LILRA2: variants seen among roughly 807,000 people sequenced by gnomAD.
LILRA2 encodes leukocyte immunoglobulin-like receptor subfamily A member 2.
In LILRA2, 45 loss-of-function variants were observed where a neutral mutation model predicts 47.9. That is an observed-to-expected ratio of 0.94 (90% CI 0.74 to 1.20). The LOEUF is 1.20. Among genes scored for constraint, LILRA2 ranks in the 50% most tolerant of loss-of-function variants. LILRA2 has a pLI of 0.00. For missense variants in LILRA2, 651 were observed against 598.2 expected, an observed-to-expected ratio of 1.09 and a Z score of -0.92; for synonymous variants, 279 against 249.2, an observed-to-expected ratio of 1.12 and a Z score of -1.13.
chr19:54,576,491 G>A (rs970921033), intron 6 of LILRA2, among the ~76,000 whole-genome samples: 3 of 152,248 alleles, frequency 2.0e-5, no homozygotes, highest in African/African-American at 7.2e-5. Flanking sequence ...GCCACTCCCA[G>A]CTCAAGAGAA....
intron 6 of LILRA2, among the ~76,000 whole-genome samples, chr19:54,585,758 C>T (rs1418380695): frequency 2.0e-5 from 3 of 152,158 alleles, no homozygotes; most frequent in Admixed American, 6.5e-5. Context: ...CCAGGTGAGG[C>T]GACACCCCAT....
chr19:54,586,950 A>G lies in LILRA2; in HGVS notation c.1256-60A>G, dbSNP rs2062828159. On this transcript the variant is annotated intron_variant, in intron 6 of 7. Transcript: ENST00000391738. ...GTCAAGAGACACAGGGGAAAAGAAG[A>G]ATGCAGAGCCCAGGAGTGAGGCTGG... 3.2e-6 allele frequency: 4 copies of G among 1,255,830 alleles called. No homozygotes were observed. In the East Asian group the frequency reaches 9.5e-5, roughly 30 times the overall value. 77.8% of individuals were successfully genotyped at this position (1,255,830 alleles called of 1,614,324 possible). A position where few individuals can be genotyped will look rare whatever the true frequency, so the allele number is the denominator to read the frequency against.
chr19:54,582,999 A>G (rs549556728), intron 6 of LILRA2, among the ~76,000 whole-genome samples: 1 of 152,324 alleles, frequency 6.6e-6, no homozygotes, highest in South Asian at 2.1e-4. Context: ...TTGGTTCCAA[A>G]GAACATCTTT....
At position 54,575,686 on chromosome 19, in the gene LILRA2, C is replaced by T. The variant is rs369999409; in HGVS notation, c.953-121C>T. 4.5e-3 allele frequency: 3,048 copies of T among 683,608 alleles called. 29 individuals carry two copies. The highest frequency in any genetic ancestry group is 0.038 in the South Asian group (2,600 of 67,796). 42.3% of individuals were successfully genotyped at this position (683,608 alleles called of 1,614,324 possible). Reference sequence around the variant, plus strand: ...GAGACAGAGAGAGACAGGGGATGGGCGGGGAGGGGAGACTCAGAGAAAACA... The same window carrying T: ...GAGACAGAGAGAGACAGGGGATGGGTGGGGAGGGGAGACTCAGAGAAAACA... On this transcript the variant is annotated intron_variant, in intron 5 of 7. Coordinates refer to ENST00000391738, the MANE Select transcript of LILRA2 (RefSeq NM_001130917.3).
chr19:54,578,229 A>G (rs530783908), intron 6 of LILRA2, among the ~76,000 whole-genome samples: 9 of 152,208 alleles, frequency 5.9e-5, no homozygotes, highest in African/African-American at 2.2e-4. Context: ...TGCTGCACCC[A>G]TCAACTCGTC....
In LILRA2 at chr19:54,575,818, G is replaced by C; in HGVS notation, c.964G>C (p.Asp322His). The C allele has an allele frequency of 6.2e-7, 1 of 1,613,692 alleles. No homozygotes were observed. Among genetic ancestry groups the C allele is most frequent in the South Asian group, 1.1e-5 (1 of 91,044 alleles). Residue 322 changes from aspartate (D) to histidine (H), a missense_variant, in exon 6 of 8, where the codon GAC (aspartate) becomes CAC (histidine). Asp to His is a moderately conservative substitution (Grantham distance 81). Coordinates refer to ENST00000391738, the MANE Select transcript of LILRA2 (RefSeq NM_001130917.3). Reference protein sequence around the residue: ...LDILITGQFYDRPSLSVQPVP... With the variant: ...LDILITGQFYHRPSLSVQPVP... ...CTTCTTCTCTCTAGGACAGTTCTAT[G>C]ACAGACCCTCTCTCTCGGTGCAGCC... is the stretch of plus-strand genomic sequence containing the variant.
Position 54,574,524 on chromosome 19 carries a change from G to C in LILRA2, c.294G>C (p.Gln98His), listed in dbSNP as rs375610534. 172 of 1,517,406 alleles carry C rather than the reference G, an allele frequency of 1.1e-4. No homozygotes were observed. The highest frequency in any genetic ancestry group is 1.5e-4 in the Non-Finnish European group (162 of 1,091,670). The allele number at this position is 1,517,406 out of a possible 1,614,324, so 94.0% of individuals were successfully genotyped here. ...AACACGCAGGGCGGTATCACTGTCA[G>C]TACTACAGCCACAATCACTCATCAG... ...TWEHAGRYHC[Q>H]YYSHNHSSEY... The change falls in exon 3 of 8, where the codon CAG (glutamine) becomes CAC (histidine). Residue 98 changes from glutamine to histidine, a missense_variant. Coordinates refer to ENST00000391738, the MANE Select transcript of LILRA2 (RefSeq NM_001130917.3).
rs1480688159 is a variant in LILRA2, at chr19:54,574,817, G to C, written c.439G>C (p.Val147Leu). The C allele has an allele frequency of 4.5e-5, 73 of 1,613,724 alleles. No individual in the cohort carries two copies. In the East Asian group the frequency reaches 1.6e-3, roughly 35 times the overall value. The change falls in exon 4 of 8, where the codon GTG becomes CTG. Residue 147 changes from valine to leucine, a missense_variant. Val to Leu is a conservative substitution (Grantham distance 32). Coordinates refer to ENST00000391738, the MANE Select transcript of LILRA2 (RefSeq NM_001130917.3). Reference sequence around the variant, plus strand: ...CGTGACCCTCCAGTGTGTCTCACAGGTGGCATTTGACGGCTTCATTCTGTG... The same window carrying C: ...CGTGACCCTCCAGTGTGTCTCACAGCTGGCATTTGACGGCTTCATTCTGTG... ...GNVTLQCVSQ[V>L]AFDGFILCKE...
intron 6 of LILRA2, among the ~76,000 whole-genome samples, chr19:54,585,197 C>A (rs2146019556): frequency 6.6e-6 from 1 of 152,302 alleles, no homozygotes; most frequent in African/African-American, 2.4e-5. Context: ...TGTCTGTTGG[C>A]CCCTACTGGG....
rs773895069 is a variant in LILRA2 at position 54,574,553 on chromosome 19, A to C, written c.323A>C (p.Tyr108Ser). 11 of 1,613,052 alleles carry C rather than the reference A, an allele frequency of 6.8e-6. No individual in the cohort carries two copies. The highest frequency in any genetic ancestry group is 1.3e-5 in the African/African-American group (1 of 75,018). Residue 108 changes from tyrosine to serine, a missense_variant, in exon 3 of 8, where the codon TAC becomes TCC. Physicochemically the swap from Tyr to Ser is moderately radical, Grantham distance 144 (BLOSUM62 -2). Coordinates refer to ENST00000391738, the MANE Select transcript of LILRA2 (RefSeq NM_001130917.3). ...TACAGCCACAATCACTCATCAGAGT[A>C]CAGTGACCCCCTGGAGCTGGTGGTG... ...QYYSHNHSSE[Y>S]SDPLELVVTG...
chr19:54,585,887 C>T (rs962453087), intron 6 of LILRA2, among the ~76,000 whole-genome samples: 2 of 152,124 alleles, frequency 1.3e-5, no homozygotes, highest in Non-Finnish European at 2.9e-5. Context: ...CATTCCTATT[C>T]GACCATCTTG....
chr19:54,578,840 C>G (rs1267679405), intron 6 of LILRA2, among the ~76,000 whole-genome samples: 1 of 152,146 alleles, frequency 6.6e-6, no homozygotes, highest in Admixed American at 6.5e-5. Context: ...TGGTATCTCA[C>G]TGCTGTTTTG....
chr19:54,573,818 T>C lies in LILRA2; in HGVS notation c.-61T>C. 6.2e-7 allele frequency: 1 copy of C among 1,611,668 alleles called. No individual in the cohort carries two copies. Among genetic ancestry groups the C allele is most frequent in the Non-Finnish European group, 8.5e-7 (1 of 1,179,054 alleles). On this transcript the variant is annotated 5_prime_UTR_variant, in exon 1 of 8. Coordinates refer to ENST00000391738, the MANE Select transcript of LILRA2 (RefSeq NM_001130917.3). ...CGAGTGTCCACACCCTGTGCGTCTCTCTGTCCTGCCAGCACTGAGGGCTCA... is the reference window on the plus strand; with the variant it reads ...CGAGTGTCCACACCCTGTGCGTCTCCCTGTCCTGCCAGCACTGAGGGCTCA...
At chr19:54,578,081 A>G (rs1411559770) in intron 6 of LILRA2, among the ~76,000 whole-genome samples, 1 of 151,658 alleles carries the variant, frequency 6.6e-6, no homozygotes, top group East Asian at 1.9e-4. Context: ...GAATTATTCA[A>G]CATCTTTAAC....
At chr19:54,579,575 T>C (rs2062579832) in intron 6 of LILRA2, among the ~76,000 whole-genome samples, 1 of 152,148 alleles carries the variant, frequency 6.6e-6, no homozygotes, top group South Asian at 2.1e-4. Flanking sequence ...TTGCTTAGGA[T>C]TGTCTTGGCA....
At chr19:54,577,321 A>T (rs1179253205) in intron 6 of LILRA2, 4 of 487,126 alleles carry the variant, frequency 8.2e-6, no homozygotes, top group Non-Finnish European at 1.3e-5. Flanking sequence ...GAAGGAGAAC[A>T]GGCTGGGTGG....
chr19:54,584,283 G>A (rs1423671695), intron 6 of LILRA2, among the ~76,000 whole-genome samples: 1 of 152,096 alleles, frequency 6.6e-6, no homozygotes, highest in Non-Finnish European at 1.5e-5. Context: ...TGTCTTTGTG[G>A]TGTTCTCTGT....
At chr19:54,583,160 G>A (rs150604800) in intron 6 of LILRA2, among the ~76,000 whole-genome samples, 2 of 152,172 alleles carry the variant, frequency 1.3e-5, no homozygotes, top group East Asian at 3.8e-4. Flanking sequence ...TGTGATTTCT[G>A]TTCTTTTACA....
At chr19:54,580,391 C>T (rs1279477481) in intron 6 of LILRA2, among the ~76,000 whole-genome samples, 1 of 82,232 alleles carries the variant, frequency 1.2e-5, no homozygotes, top group Non-Finnish European at 2.4e-5. Context: ...GTGATATTCC[C>T]CTTCCTGTGT....
Sources: gnomAD v4.1 joint callset for allele counts (sites outside exome capture counted in the v4.1 genomes callset) on GRCh38, gnomAD v4.1.1 for gene constraint, MANE v1.5 for transcripts, NCBI Gene and HGNC (gene_info 2026-07-23, HGNC 2026-07-21) for gene names.